The following DPYSL3 variants were observed in gnomAD, a reference collection of about 807,000 sequenced individuals.
The protein encoded by DPYSL3 is dihydropyrimidinase-related protein 3.
Under a neutral mutation model 66.1 loss-of-function variants are expected in DPYSL3, and 16 were observed. That is an observed-to-expected ratio of 0.24 (90% CI 0.16 to 0.37). The LOEUF is 0.37. DPYSL3 is among the 10% of genes least tolerant of loss of function. The probability of loss-of-function intolerance (pLI) is 1.00; values close to 1 mark genes in which losing one functional copy is unlikely to be tolerated. For missense variants in DPYSL3, 738 were observed against 916.2 expected (o/e 0.81, Z 2.51); for synonymous variants, 338 against 345.1 (o/e 0.98, Z 0.23).
intron 1 of DPYSL3, among the ~76,000 whole-genome samples, chr5:147,485,678 G>C (rs1753318873): frequency 6.6e-6 from 1 of 152,124 alleles, no homozygotes; most frequent in African/African-American, 2.4e-5. Context: ...GTAAGTGGTA[G>C]GCCCTGCCCT....
Position 147,401,674 on chromosome 5 carries a change from G to A in DPYSL3, c.1176C>T (p.Pro392=). ...CATCTATGCCGAGGCTGGCAGTGAT[G>A]GGCTCACCAAAGACTACATTTCCTA... ...RKKGNVVFGE[P]ITASLGIDGT... Residue 392 remains proline, a synonymous_variant, in exon 9 of 14, where the codon CCC becomes CCT. Transcript: ENST00000343218. 6.2e-7 allele frequency: 1 copy of A among 1,614,074 alleles called. No individual in the cohort carries two copies. Among genetic ancestry groups the A allele is most frequent in the Non-Finnish European group, 8.5e-7 (1 of 1,180,016 alleles).
intron 1 of DPYSL3, among the ~76,000 whole-genome samples, chr5:147,448,006 A>G (rs549444004): frequency 1.8e-4 from 28 of 152,330 alleles, no homozygotes; most frequent in Non-Finnish European, 3.2e-4. Context: ...CCGTTTTTCA[A>G]ATGTAATAAG....
intron 8 of DPYSL3, among the ~76,000 whole-genome samples, chr5:147,403,742 A>T (rs558884664): frequency 6.8e-4 from 104 of 152,258 alleles, no homozygotes; most frequent in African/African-American, 2.4e-3. Context: ...TTTGTCTTGC[A>T]AAGAATGCTC....
chr5:147,478,189 GTCT>G (rs1436672124), intron 1 of DPYSL3, among the ~76,000 whole-genome samples: 2 of 152,136 alleles, frequency 1.3e-5, no homozygotes, highest in African/African-American at 4.8e-5. Flanking sequence ...GAGTTCATAG[GTCT>G]TCTTAATACA....
At chr5:147,397,589 G>A in intron 12 of DPYSL3, 77 bp downstream of exon 12, 1 of 1,469,802 alleles carries the variant, frequency 6.8e-7, no homozygotes, top group South Asian at 1.3e-5. Context: ...ACAGTGCCCT[G>A]TGTTCATGGT....
chr5:147,457,248 CATA>C (rs1752865953), intron 1 of DPYSL3, among the ~76,000 whole-genome samples: 1 of 152,116 alleles, frequency 6.6e-6, no homozygotes, highest in Non-Finnish European at 1.5e-5. Context: ...GCTTTATCTT[CATA>C]ATACTTTTTA....
At chr5:147,487,798 C>T (rs1753358340) in intron 1 of DPYSL3, among the ~76,000 whole-genome samples, 1 of 152,176 alleles carries the variant, frequency 6.6e-6, no homozygotes, top group South Asian at 2.1e-4. Context: ...CATTTGAAAA[C>T]TCTTAGCTGA....
chr5:147,405,582 G>C (rs370870100), intron 8 of DPYSL3, 28 bp downstream of exon 8: 145 of 1,598,582 alleles, frequency 9.1e-5, no homozygotes, highest in Non-Finnish European at 1.2e-4. Context: ...GCCATCAGGG[G>C]CTCCGAGATC....
chr5:147,474,302 A>T (rs1276661504), intron 1 of DPYSL3, among the ~76,000 whole-genome samples: 1 of 152,084 alleles, frequency 6.6e-6, no homozygotes, highest in Non-Finnish European at 1.5e-5. Context: ...CTTTCTCATA[A>T]CACTGTTATC....
intron 1 of DPYSL3, among the ~76,000 whole-genome samples, chr5:147,448,003 TCAAATGTAA>T (rs1473207330): frequency 6.6e-6 from 1 of 152,170 alleles, no homozygotes; most frequent in African/African-American, 2.4e-5. Context: ...TTGCCGTTTT[TCAAATGTAA>T]TAAGCAAACA....
At chr5:147,419,318 G>C (rs1225572464) in intron 2 of DPYSL3, among the ~76,000 whole-genome samples, 1 of 152,136 alleles carries the variant, frequency 6.6e-6, no homozygotes, top group African/African-American at 2.4e-5. Context: ...GAGTGATTAT[G>C]AGAACCGCCA....
intron 1 of DPYSL3, among the ~76,000 whole-genome samples, chr5:147,456,909 T>C (rs894766850): frequency 6.6e-6 from 1 of 152,092 alleles, no homozygotes; most frequent in South Asian, 2.1e-4. Context: ...CTTTTAAATG[T>C]ATCCAGACTA....
intron 10 of DPYSL3, 54 bp from the exon 11 acceptor site, chr5:147,399,306 C>T: frequency 6.4e-7 from 1 of 1,552,890 alleles, no homozygotes; most frequent in Non-Finnish European, 8.7e-7. Flanking sequence ...TATATCAATT[C>T]AGGGCTTCTG....
chr5:147,484,245 T>A (rs1423886680), intron 1 of DPYSL3, among the ~76,000 whole-genome samples: 2 of 152,142 alleles, frequency 1.3e-5, no homozygotes, highest in Admixed American at 6.6e-5. Flanking sequence ...TCCTCCCCCA[T>A]CCTCCTCCCC....
chr5:147,398,553 C>T (rs1268841321), intron 11 of DPYSL3, among the ~76,000 whole-genome samples: 3 of 152,172 alleles, frequency 2.0e-5, no homozygotes, highest in Non-Finnish European at 4.4e-5. Context: ...ACAACAGTGT[C>T]GAGCCCGTTT....
chr5:147,437,875 T>C (rs2126363435), intron 1 of DPYSL3, among the ~76,000 whole-genome samples: 1 of 152,338 alleles, frequency 6.6e-6, no homozygotes, highest in South Asian at 2.1e-4. Context: ...TCTCAATAAA[T>C]GTGAGTTCCT....
intron 1 of DPYSL3, among the ~76,000 whole-genome samples, chr5:147,429,091 C>T (rs894609000): frequency 1.3e-5 from 2 of 152,028 alleles, no homozygotes. Flanking sequence ...GTCTTGTCTA[C>T]AAAGTTAGCA....
At chr5:147,473,591 T>C (rs1425918418) in intron 1 of DPYSL3, among the ~76,000 whole-genome samples, 17 of 152,130 alleles carry the variant, frequency 1.1e-4, no homozygotes, top group Non-Finnish European at 2.5e-4. Context: ...TAGTTTGGAA[T>C]TCATTTGGGG....
At chr5:147,395,785 T>A in intron 12 of DPYSL3, 64 bp from the exon 13 acceptor site, 3 of 1,579,044 alleles carry the variant, frequency 1.9e-6, no homozygotes, top group South Asian at 1.1e-5. Context: ...GTTCTAGGTA[T>A]CATAAATATA....
Sources: gnomAD v4.1 joint callset for allele counts (sites outside exome capture counted in the v4.1 genomes callset) on GRCh38, gnomAD v4.1.1 for gene constraint, MANE v1.5 for transcripts, NCBI Gene and HGNC (gene_info 2026-07-23, HGNC 2026-07-21) for gene names.